Variants in CSTF3 observed in about 807,000 individuals in gnomAD.
CSTF3 encodes CF-1 77 kDa subunit.
In CSTF3, 29 loss-of-function variants were observed where a neutral mutation model predicts 105.8. That is an observed-to-expected ratio of 0.27 (90% CI 0.20 to 0.37). The LOEUF (loss-of-function observed/expected upper bound fraction) is 0.37, where lower values mean the gene tolerates loss of function less well. CSTF3 is among the 10% of genes least tolerant of loss of function. CSTF3 has a pLI of 1.00. For missense variants in CSTF3, 357 were observed against 879.3 expected, an observed-to-expected ratio of 0.41 and a Z score of 7.51; for synonymous variants, 252 against 281.9, an observed-to-expected ratio of 0.89 and a Z score of 1.06.
Position 33,146,703 on chromosome 11 carries a change from T to C in CSTF3, c.28-4717A>G, listed in dbSNP as rs865888591. Among the ~76,000 whole-genome samples, 20 of 150,854 alleles carry C rather than the reference T, an allele frequency of 1.3e-4. No individual in the cohort carries two copies. The Middle Eastern group carries it at 0.014, about 104-fold the overall frequency. ...AGCAGGGAGACATGCAAACAACACA[T>C]ACACTTACTCTGCCATATACCCTTC... On this transcript the variant is annotated intron_variant, in intron 1 of 20. Coordinates refer to ENST00000323959, the MANE Select transcript of CSTF3 (RefSeq NM_001326.3).
At chr11:33,111,774 A>T (rs1167079393) in intron 3 of CSTF3, among the ~76,000 whole-genome samples, 1 of 152,220 alleles carries the variant, frequency 6.6e-6, no homozygotes, top group Non-Finnish European at 1.5e-5. Flanking sequence ...AAATGTATGT[A>T]GAAAGACACT....
rs1408050209 is a variant in CSTF3 at position 33,154,487 on chromosome 11, C to CTTTTTTTTTTTTTTTTTTTTTTTT, written c.27+6811_27+6812insAAAAAAAAAAAAAAAAAAAAAAAA. Among the ~76,000 whole-genome samples the CTTTTTTTTTTTTTTTTTTTTTTTT allele has an allele frequency of 6.5e-5, 2 of 30,636 alleles. 1 individual carries two copies. Among genetic ancestry groups the CTTTTTTTTTTTTTTTTTTTTTTTT allele is most frequent in the Non-Finnish European group, 1.9e-4 (2 of 10,446 alleles). 20.1% of individuals were successfully genotyped at this position (30,636 alleles called of 152,430 possible). A position where few individuals can be genotyped will look rare whatever the true frequency, so the allele number is the denominator to read the frequency against. On this transcript the variant is annotated intron_variant, in intron 1 of 20. Transcript: ENST00000323959. ...TAGACCGGAGTAGCACTCCGTAAGA[C>CTTTTTTTTTTTTTTTTTTTTTTTT]TTTCTTTTTTTTTTTTTTTTTTTTT...
chr11:33,088,526 C>T (rs1257664014), intron 17 of CSTF3, among the ~76,000 whole-genome samples: 2 of 152,156 alleles, frequency 1.3e-5, no homozygotes, highest in African/African-American at 4.8e-5. Context: ...GTGATCCACC[C>T]ACCTTGGCCT....
intron 3 of CSTF3, among the ~76,000 whole-genome samples, chr11:33,119,204 CA>C (rs1186344448): frequency 2.0e-5 from 3 of 151,774 alleles, no homozygotes; most frequent in African/African-American, 7.2e-5. Flanking sequence ...TATCACTGGA[CA>C]AAAGCCTTTA....
At chr11:33,137,874 A>C (rs1299489769) in intron 3 of CSTF3, among the ~76,000 whole-genome samples, 1 of 151,858 alleles carries the variant, frequency 6.6e-6, no homozygotes, top group Non-Finnish European at 1.5e-5. Context: ...AACAGAAAGA[A>C]AACATTATAA....
Position 33,103,239 on chromosome 11 carries a change from C to T in CSTF3, c.586-55G>A, listed in dbSNP as rs896391810. ...AAGTATAGTTTCTTAAAAATTAGTACAATACAGTTAATTTATTCATTTACT... is the reference window on the plus strand; with the variant it reads ...AAGTATAGTTTCTTAAAAATTAGTATAATACAGTTAATTTATTCATTTACT... On this transcript the variant is annotated intron_variant, in intron 8 of 20. Transcript: ENST00000323959. 24 of 749,482 alleles carry T rather than the reference C, an allele frequency of 3.2e-5. No homozygotes were observed. The East Asian group carries it at 5.0e-4, about 15-fold the overall frequency. 46.4% of individuals were successfully genotyped at this position (749,482 alleles called of 1,614,324 possible).
chr11:33,158,748 T>C (rs1395301320), intron 1 of CSTF3, among the ~76,000 whole-genome samples: 1 of 152,178 alleles, frequency 6.6e-6, no homozygotes, highest in Non-Finnish European at 1.5e-5. Context: ...AGGCTGAGTA[T>C]AGACCTAACT....
chr11:33,085,272 T>C lies in CSTF3; in HGVS notation c.1969A>G (p.Arg657Gly). ...TCTGGGGCCCCACCAGTAATGATCC[T>C]CACAGCTTCCTCAACAGCTATTAAA... ...KIPNTVEEAV[R>G]IITGGAPELA... Residue 657 changes from arginine (R) to glycine (G), a missense_variant, in exon 21 of 21, where the codon AGG becomes GGG. Arg to Gly is a moderately radical substitution (Grantham distance 125). Transcript: ENST00000323959. 6.5e-7 allele frequency: 1 copy of C among 1,549,560 alleles called. No individual in the cohort carries two copies. Among genetic ancestry groups the C allele is most frequent in the South Asian group, 1.2e-5 (1 of 81,038 alleles).
intron 3 of CSTF3, among the ~76,000 whole-genome samples, chr11:33,115,227 G>A (rs972759609): frequency 1.2e-4 from 18 of 152,116 alleles, no homozygotes; most frequent in Non-Finnish European, 2.5e-4. Context: ...GATTCTACTT[G>A]TATTAATTAT....
At chr11:33,086,935 T>A (rs1855111466) in intron 18 of CSTF3, 53 bp downstream of exon 18, 1 of 1,609,138 alleles carries the variant, frequency 6.2e-7, no homozygotes, top group Non-Finnish European at 8.5e-7. Flanking sequence ...GCTTTGGATT[T>A]AAATCAACAA....
chr11:33,144,139 TAGTGGAA>T (rs1020912611), intron 1 of CSTF3, among the ~76,000 whole-genome samples: 2 of 83,504 alleles, frequency 2.4e-5, no homozygotes, highest in South Asian at 4.7e-4. Context: ...CCCTTTTTTT[TAGTGGAA>T]TTAGTATTTC....
intron 1 of CSTF3, among the ~76,000 whole-genome samples, chr11:33,160,051 G>A (rs1386223214): frequency 6.6e-6 from 1 of 151,502 alleles, no homozygotes; most frequent in Non-Finnish European, 1.5e-5. Flanking sequence ...AATGAATTTC[G>A]AAAACTTTCA....
At position 33,154,487 on chromosome 11, in the gene CSTF3, CTTTCTTTTTTTT is replaced by C. The variant is rs1471176584; in HGVS notation, c.27+6800_27+6811del. ...TAGACCGGAGTAGCACTCCGTAAGA[CTTTCTTTTTTTT>C]TTTTTTTTTTTTTTTGAGATGAAGT... On this transcript the variant is annotated intron_variant, in intron 1 of 20. Coordinates refer to ENST00000323959, the MANE Select transcript of CSTF3 (RefSeq NM_001326.3). 9.8e-5 allele frequency among the ~76,000 whole-genome samples: 3 copies of C among 30,664 alleles called. No homozygotes were observed. The Admixed American group carries it at 1.1e-3, about 12-fold the overall frequency. The allele number at this position is 30,664 out of a possible 152,430, so 20.1% of individuals were successfully genotyped here. A position where few individuals can be genotyped will look rare whatever the true frequency, so the allele number is the denominator to read the frequency against.
chr11:33,104,585 A>T (rs1054065464), intron 8 of CSTF3, among the ~76,000 whole-genome samples: 3 of 152,110 alleles, frequency 2.0e-5, no homozygotes, highest in African/African-American at 7.2e-5. Context: ...CAGCCTGAGC[A>T]ACATGGAGAA....
chr11:33,108,194 ATTTTC>A (rs969741293), intron 4 of CSTF3, among the ~76,000 whole-genome samples, 187 bp downstream of exon 4: 2 of 152,140 alleles, frequency 1.3e-5, no homozygotes, highest in African/African-American at 2.4e-5. Context: ...GAGTATAATT[ATTTTC>A]TTTTCCTTTT....
intron 1 of CSTF3, among the ~76,000 whole-genome samples, chr11:33,153,082 T>C (rs1399618741): frequency 6.6e-6 from 1 of 151,880 alleles, no homozygotes; most frequent in African/African-American, 2.4e-5. Context: ...TAAATATGAA[T>C]ATAAATATTT....
chr11:33,138,286 C>T (rs1423288340), intron 3 of CSTF3, among the ~76,000 whole-genome samples: 1 of 151,760 alleles, frequency 6.6e-6, no homozygotes, highest in Non-Finnish European at 1.5e-5. Flanking sequence ...CAAATTACTT[C>T]TCTAACAATA....
chr11:33,117,044 G>A (rs1855437547), intron 3 of CSTF3, among the ~76,000 whole-genome samples: 2 of 152,004 alleles, frequency 1.3e-5, no homozygotes, highest in Admixed American at 1.3e-4. Flanking sequence ...AAAGTTAGCA[G>A]ATGGGGGTTG....
At position 33,105,590 on chromosome 11, in the gene CSTF3, T is replaced by G. The variant is rs145772743; in HGVS notation, c.562A>C (p.Arg188=). 3.4e-4 allele frequency: 553 copies of G among 1,613,774 alleles called. 4 individuals carry two copies. In the South Asian group the frequency reaches 3.8e-3, roughly 11 times the overall value. The part of the protein sequence containing the change: ...NPMINIEQLW[R]DYNKYEEGIN... ...ACCTCTTCATACTTGTTATAGTCTC[T>G]CCAGAGCTGTTCAATGTTGATCATC... Residue 188 remains arginine (R), a synonymous_variant, in exon 8 of 21, where the codon AGA becomes CGA. Transcript: ENST00000323959.
Sources: gnomAD v4.1 joint callset for allele counts (sites outside exome capture counted in the v4.1 genomes callset) on GRCh38, gnomAD v4.1.1 for gene constraint, MANE v1.5 for transcripts, NCBI Gene and HGNC (gene_info 2026-07-23, HGNC 2026-07-21) for gene names.